FSHR: variants seen among roughly 807,000 people sequenced by gnomAD.
FSHR encodes the protein follicle stimulating hormone receptor.
Under a neutral mutation model 52.1 loss-of-function variants are expected in FSHR, and 46 were observed. The observed-to-expected ratio is 0.88, with a 90% CI of 0.70 to 1.13. The LOEUF is 1.13. Among genes scored for constraint, FSHR ranks in the 50% most tolerant of loss-of-function variants. The pLI is 0.00. For missense variants in FSHR, 964 were observed against 834.6 expected, an observed-to-expected ratio of 1.16 and a Z score of -1.91; for synonymous variants, 399 against 309.6, an observed-to-expected ratio of 1.29 and a Z score of -3.03.
intron 1 of FSHR, among the ~76,000 whole-genome samples, chr2:49,092,806 C>T (rs1670660225): frequency 6.6e-6 from 1 of 152,122 alleles, no homozygotes; most frequent in East Asian, 1.9e-4. Flanking sequence ...GCTGGGATTA[C>T]AGATGCGCAC....
intron 1 of FSHR, among the ~76,000 whole-genome samples, chr2:49,074,857 G>C (rs1472227893): frequency 1.3e-5 from 2 of 151,984 alleles, no homozygotes; most frequent in Admixed American, 6.6e-5. Flanking sequence ...AAAATCCTTA[G>C]CCAAAGAATA....
At chr2:49,097,075 A>G (rs551766190) in intron 1 of FSHR, among the ~76,000 whole-genome samples, 1 of 152,332 alleles carries the variant, frequency 6.6e-6, no homozygotes, top group East Asian at 1.9e-4. Context: ...TTATTGCTTT[A>G]TAGCAATGCA....
chr2:49,075,477 A>G (rs1669916714), intron 1 of FSHR, among the ~76,000 whole-genome samples: 1 of 152,190 alleles, frequency 6.6e-6, no homozygotes, highest in Non-Finnish European at 1.5e-5. Context: ...ATTCTTTGGA[A>G]GGATTAAGAC....
chr2:49,041,971 C>T (rs1393143212), intron 2 of FSHR, among the ~76,000 whole-genome samples: 1 of 152,078 alleles, frequency 6.6e-6, no homozygotes, highest in African/African-American at 2.4e-5. Context: ...CATGGTGGGA[C>T]TGTGTCTATA....
chr2:49,023,793 C>T (rs898660654), intron 2 of FSHR, among the ~76,000 whole-genome samples: 5 of 152,116 alleles, frequency 3.3e-5, no homozygotes, highest in Non-Finnish European at 5.9e-5. Flanking sequence ...AAGGCCCCTT[C>T]TGTACATGAG....
intron 2 of FSHR, among the ~76,000 whole-genome samples, chr2:49,033,741 C>G (rs114491125): frequency 6.6e-6 from 1 of 152,076 alleles, no homozygotes; most frequent in Non-Finnish European, 1.5e-5. Context: ...AAATCATTTA[C>G]CCCCAAGTGC....
chr2:49,105,537 A>C (rs1671191042), intron 1 of FSHR, among the ~76,000 whole-genome samples: 1 of 152,146 alleles, frequency 6.6e-6, no homozygotes, highest in Non-Finnish European at 1.5e-5. Flanking sequence ...GGCAAAAATA[A>C]ATGGAAAAGA....
chr2:48,984,560 C>G (rs933922185), intron 6 of FSHR, among the ~76,000 whole-genome samples: 2 of 150,172 alleles, frequency 1.3e-5, no homozygotes, highest in African/African-American at 2.4e-5. Context: ...TTTTTATTGA[C>G]CAAATTCAAA....
At chr2:49,152,916 G>A (rs1673114314) in intron 1 of FSHR, among the ~76,000 whole-genome samples, 1 of 152,214 alleles carries the variant, frequency 6.6e-6, no homozygotes, top group African/African-American at 2.4e-5. Flanking sequence ...CTTCTCCTGT[G>A]CTTATATTTA....
At chr2:49,083,119 G>A (rs370531564) in intron 1 of FSHR, among the ~76,000 whole-genome samples, 29 of 151,856 alleles carry the variant, frequency 1.9e-4, no homozygotes, top group African/African-American at 7.0e-4. Flanking sequence ...CCCTCAAAGG[G>A]AAGCCCATCA....
At position 49,013,463 on chromosome 2, in the gene FSHR, AAT is replaced by A. The variant is rs373195880; in HGVS notation, c.374+4024_374+4025del. Among the ~76,000 whole-genome samples the A allele has an allele frequency of 7.7e-3, 1,020 of 133,232 alleles. 19 individuals are homozygous for A. Among genetic ancestry groups the A allele is most frequent in the East Asian group, 0.032 (152 of 4,732 alleles). The allele number at this position is 133,232 out of a possible 152,430, so 87.4% of individuals were successfully genotyped here. A position where few individuals can be genotyped will look rare whatever the true frequency, so the allele number is the denominator to read the frequency against. On this transcript the variant is annotated intron_variant, in intron 4 of 9. Coordinates refer to ENST00000406846, the MANE Select transcript of FSHR (RefSeq NM_000145.4). ...AGTCTTAGCCCTGAATATATATATA[AAT>A]ATATATATATATATAAATAAATATA...
intron 2 of FSHR, among the ~76,000 whole-genome samples, chr2:49,036,505 A>G (rs1332016746): frequency 6.7e-6 from 1 of 149,976 alleles, no homozygotes; most frequent in Non-Finnish European, 1.5e-5. Flanking sequence ...CTGTATATCT[A>G]TATCTATATC....
intron 2 of FSHR, among the ~76,000 whole-genome samples, chr2:49,029,688 T>A (rs910133280): frequency 2.0e-5 from 3 of 152,166 alleles, no homozygotes; most frequent in Non-Finnish European, 4.4e-5. Context: ...TATGCAAAGG[T>A]CGTGCTGCTT....
intron 1 of FSHR, among the ~76,000 whole-genome samples, chr2:49,091,902 G>C (rs931911411): frequency 6.6e-6 from 1 of 152,068 alleles, no homozygotes; most frequent in African/African-American, 2.4e-5. Context: ...CAGCTAATCT[G>C]TATCTACAAA....
At chr2:49,147,928 A>C (rs2103854531) in intron 1 of FSHR, among the ~76,000 whole-genome samples, 1 of 152,124 alleles carries the variant, frequency 6.6e-6, no homozygotes, top group East Asian at 1.9e-4. Flanking sequence ...AGGCTATAGG[A>C]GACTCCAAAC....
intron 1 of FSHR, among the ~76,000 whole-genome samples, chr2:49,152,797 T>C (rs1271017006): frequency 6.6e-6 from 1 of 152,132 alleles, no homozygotes; most frequent in African/African-American, 2.4e-5. Context: ...ACCAAGCAGG[T>C]TGTACTAAAA....
At chr2:48,965,819 T>C (rs773767747) in intron 9 of FSHR, among the ~76,000 whole-genome samples, 2 of 152,364 alleles carry the variant, frequency 1.3e-5, no homozygotes, top group Middle Eastern at 6.8e-3. Flanking sequence ...AAATAACTTA[T>C]GTCTCTGAGA....
At chr2:49,147,509 C>G (rs988523309) in intron 1 of FSHR, among the ~76,000 whole-genome samples, 2 of 152,010 alleles carry the variant, frequency 1.3e-5, no homozygotes, top group African/African-American at 2.4e-5. Context: ...ATAGCATGCA[C>G]CTTTAGGTAA....
intron 9 of FSHR, among the ~76,000 whole-genome samples, chr2:48,965,285 A>G (rs1053367765): frequency 6.6e-6 from 1 of 152,204 alleles, no homozygotes; most frequent in Non-Finnish European, 1.5e-5. Context: ...TCTGTTAGGA[A>G]GAGTGCTCTC....
Sources: allele counts gnomAD v4.1 joint callset (sites outside exome capture counted in the v4.1 genomes callset), GRCh38; gene constraint gnomAD v4.1.1; transcripts MANE v1.5; gene names NCBI Gene and HGNC (gene_info 2026-07-23, HGNC 2026-07-21).